The following CABIN1 variants were observed in gnomAD, a reference collection of about 807,000 sequenced individuals.
CABIN1 encodes calcineurin-binding protein cabin-1.
A neutral mutation model predicts 227.7 loss-of-function variants in CABIN1; 133 were observed. The ratio of observed to expected loss-of-function variants is 0.58; its 90% CI spans 0.51 to 0.67. The LOEUF is 0.67. CABIN1 is among the 30% of genes least tolerant of loss of function. The pLI is 0.00. For missense variants in CABIN1, 2,408 were observed against 2,852.5 expected, an observed-to-expected ratio of 0.84 and a Z score of 3.55; for synonymous variants, 1,086 against 1,155.1, an observed-to-expected ratio of 0.94 and a Z score of 1.21.
rs763069360 is a variant in CABIN1, at chr22:24,119,421, G to C, written c.4355G>C (p.Gly1452Ala). ...GAAGGCTTCCGGGCTGCAGAGCAAG[G>C]TGTCCAGAAGCCTGCTGCAGAAACC... ...STEGFRAAEQ[G>A]VQKPAAETPA... Residue 1452 changes from glycine (G) to alanine (A), a missense_variant, in exon 28 of 37, where the codon GGT becomes GCT. Coordinates refer to ENST00000263119, the MANE Select transcript of CABIN1 (RefSeq NM_012295.4). 3.7e-6 allele frequency: 6 copies of C among 1,614,100 alleles called. No individual in the cohort carries two copies. The East Asian group carries it at 1.3e-4, about 36-fold the overall frequency.
At chr22:24,166,224 C>T (rs1402420020) in intron 31 of CABIN1, among the ~76,000 whole-genome samples, 1 of 152,208 alleles carries the variant, frequency 6.6e-6, no homozygotes, top group Admixed American at 6.5e-5. Flanking sequence ...GAAGACTTGG[C>T]TCTGCAGCAA....
intron 6 of CABIN1, among the ~76,000 whole-genome samples, chr22:24,048,556 G>A (rs969826288): frequency 6.6e-6 from 1 of 152,112 alleles, no homozygotes; most frequent in Non-Finnish European, 1.5e-5. Flanking sequence ...GAGTAGCTGA[G>A]ACTGCAGGTG....
chr22:24,153,876 T>TC (rs2045633358), intron 29 of CABIN1, among the ~76,000 whole-genome samples: 1 of 152,098 alleles, frequency 6.6e-6, no homozygotes. Flanking sequence ...ACCACAGGAC[T>TC]CCCTCCTGCT....
chr22:24,128,243 G>A (rs1010425379), intron 28 of CABIN1, among the ~76,000 whole-genome samples: 1 of 136,048 alleles, frequency 7.4e-6, no homozygotes, highest in Non-Finnish European at 1.5e-5. Flanking sequence ...TTTGCTTCTC[G>A]TGTACTCATA....
At position 24,080,450 on chromosome 22, in the gene CABIN1, G is replaced by T. The variant is rs1003880534; in HGVS notation, c.2749-2778G>T. Among the ~76,000 whole-genome samples the T allele has an allele frequency of 5.9e-5, 9 of 152,144 alleles. No homozygotes were observed. In the East Asian group the frequency reaches 9.6e-4, roughly 16 times the overall value. On this transcript the variant is annotated intron_variant, in intron 19 of 36. Transcript: ENST00000263119. Reference sequence around the variant, plus strand: ...AAACCTGCCATTGGAATTTTGATTGGAATAACATTGACCTCACAGATTAAT... The same window carrying T: ...AAACCTGCCATTGGAATTTTGATTGTAATAACATTGACCTCACAGATTAAT...
At chr22:24,036,828 G>A (rs1601716652) in intron 3 of CABIN1, among the ~76,000 whole-genome samples, 2 of 152,134 alleles carry the variant, frequency 1.3e-5, no homozygotes, top group East Asian at 3.9e-4. Context: ...AGCTGTCTCA[G>A]AAGTCTACTA....
At chr22:24,080,989 T>A (rs2040770678) in intron 19 of CABIN1, among the ~76,000 whole-genome samples, 1 of 152,238 alleles carries the variant, frequency 6.6e-6, no homozygotes, top group East Asian at 1.9e-4. Context: ...AAATAGTAAA[T>A]CTTTGAGGCT....
At position 24,133,126 on chromosome 22, in the gene CABIN1, G is replaced by A. The variant is rs144213980; in HGVS notation, c.4633-1176G>A. On this transcript the variant is annotated intron_variant, in intron 28 of 36. Transcript: ENST00000263119. ...GCAGGCAGGGGGTCCCTCAGCAGAC[G>A]GGAAGCTCACAGTGAATGGAGCCTC... 1.1e-3 allele frequency among the ~76,000 whole-genome samples: 167 copies of A among 152,252 alleles called. 1 individual carries two copies. Among genetic ancestry groups the A allele is most frequent in the African/African-American group, 3.9e-3 (162 of 41,532 alleles).
intron 1 of CABIN1, among the ~76,000 whole-genome samples, chr22:24,019,824 A>G (rs1569074576): frequency 6.6e-6 from 1 of 150,956 alleles, no homozygotes; most frequent in Non-Finnish European, 1.5e-5. Context: ...TGCCCAGCTA[A>G]TTTTGTATTT....
intron 1 of CABIN1, among the ~76,000 whole-genome samples, chr22:24,013,632 C>G (rs924081718): frequency 6.6e-6 from 1 of 152,188 alleles, no homozygotes; most frequent in East Asian, 1.9e-4. Context: ...GAACAGAAAT[C>G]TAGTGTTGGT....
At chr22:24,164,298 C>T (rs939451253) in intron 29 of CABIN1, 102 bp from the exon 30 acceptor site, 61 of 1,451,868 alleles carry the variant, frequency 4.2e-5, no homozygotes, top group Non-Finnish European at 5.2e-5. Flanking sequence ...GGGCAGTGTC[C>T]CCTTTGGCAC....
rs191128782 is a variant in CABIN1, at chr22:24,124,712, C to T, written c.4632+5014C>T. 2.2e-4 allele frequency among the ~76,000 whole-genome samples: 33 copies of T among 152,278 alleles called. 1 individual carries two copies. The highest frequency in any genetic ancestry group is 2.2e-3 in the Admixed American group (33 of 15,308). ...GCACATGGCATCAGACACCTCTTGTCATGAAGGTTCTGGCCTTTACTGATG... is the reference window on the plus strand; with the variant it reads ...GCACATGGCATCAGACACCTCTTGTTATGAAGGTTCTGGCCTTTACTGATG... On this transcript the variant is annotated intron_variant, in intron 28 of 36. Transcript: ENST00000263119.
At chr22:24,028,893 A>AAT (rs1176310463) in intron 1 of CABIN1, among the ~76,000 whole-genome samples, 5 of 152,200 alleles carry the variant, frequency 3.3e-5, no homozygotes, top group Non-Finnish European at 7.3e-5. Context: ...AAGGCTATTA[A>AAT]GAGGGACAGA....
At chr22:24,106,122 G>A (rs1034012506) in intron 26 of CABIN1, among the ~76,000 whole-genome samples, 6 of 152,238 alleles carry the variant, frequency 3.9e-5, no homozygotes, top group African/African-American at 7.2e-5. Context: ...GCTAGGCTGC[G>A]TTCAGCTGTC....
chr22:24,041,071 A>T (rs901366110), intron 4 of CABIN1, 68 bp from the exon 5 acceptor site: 168 of 1,604,816 alleles, frequency 1.0e-4, no homozygotes, highest in Non-Finnish European at 1.3e-4. Flanking sequence ...CTGGAAGCCA[A>T]GTATCCTGCT....
intron 18 of CABIN1, among the ~76,000 whole-genome samples, chr22:24,073,454 A>G (rs1328960670): frequency 1.3e-5 from 2 of 152,218 alleles, no homozygotes; most frequent in African/African-American, 4.8e-5. Context: ...CCAACTGCTC[A>G]GAGAAAACCA....
intron 33 of CABIN1, among the ~76,000 whole-genome samples, chr22:24,168,816 G>A (rs754946240): frequency 4.6e-5 from 7 of 152,184 alleles, no homozygotes; most frequent in Non-Finnish European, 1.0e-4. Context: ...AGGTCATTCC[G>A]TTTGGAACAG....
rs558097214 is a variant in CABIN1 at position 24,014,967 on chromosome 22, T to C, written c.-75+3600T>C. On this transcript the variant is annotated intron_variant, in intron 1 of 36. Transcript: ENST00000263119. ...GATAATTGTGTTTGCTTTTTTCACT[T>C]AATAGTATGTTTTAGGCCAGGCGTG... Among the ~76,000 whole-genome samples, 3 of 152,232 alleles carry C rather than the reference T, an allele frequency of 2.0e-5. No homozygotes were observed. The East Asian group carries it at 5.8e-4, about 29-fold the overall frequency.
At chr22:24,068,705 A>AT (rs1289898088) in intron 16 of CABIN1, among the ~76,000 whole-genome samples, 3 of 152,104 alleles carry the variant, frequency 2.0e-5, no homozygotes, top group African/African-American at 4.8e-5. Flanking sequence ...TCTTGCAAAT[A>AT]TTTTTTTCCC....
Sources: gnomAD v4.1 joint callset for allele counts (sites outside exome capture counted in the v4.1 genomes callset) on GRCh38, gnomAD v4.1.1 for gene constraint, MANE v1.5 for transcripts, NCBI Gene and HGNC (gene_info 2026-07-23, HGNC 2026-07-21) for gene names.